The following PTPRD variants were observed in gnomAD, a reference collection of about 807,000 sequenced individuals.
The protein encoded by PTPRD is receptor-type tyrosine-protein phosphatase delta.
A neutral mutation model predicts 214.5 loss-of-function variants in PTPRD; 34 were observed. The ratio of observed to expected loss-of-function variants is 0.16; its 90% CI spans 0.12 to 0.21. The LOEUF (loss-of-function observed/expected upper bound fraction) is 0.21, where lower values mean the gene tolerates loss of function less well. PTPRD is among the 10% of genes least tolerant of loss of function. The pLI is 1.00. For missense variants in PTPRD, 2,545 were observed against 2,398.7 expected, an observed-to-expected ratio of 1.06 and a Z score of -1.27; for synonymous variants, 1,128 against 845.7, an observed-to-expected ratio of 1.33 and a Z score of -5.79.
At chr9:9,127,996 T>G (rs1007043233) in intron 10 of PTPRD, among the ~76,000 whole-genome samples, 2 of 152,164 alleles carry the variant, frequency 1.3e-5, no homozygotes, top group East Asian at 3.9e-4. Flanking sequence ...ACCTTCCAAA[T>G]TGGCTGCCAA....
At chr9:8,679,288 C>A (rs962716555) in intron 12 of PTPRD, among the ~76,000 whole-genome samples, 2 of 152,176 alleles carry the variant, frequency 1.3e-5, no homozygotes, top group Admixed American at 1.3e-4. Flanking sequence ...GATACGATTT[C>A]TGATCTGGAA....
At chr9:8,613,993 T>A (rs1324711872) in intron 14 of PTPRD, among the ~76,000 whole-genome samples, 1 of 151,998 alleles carries the variant, frequency 6.6e-6, no homozygotes, top group African/African-American at 2.4e-5. Flanking sequence ...GTCCTTCACA[T>A]TATGGTAAGT....
intron 9 of PTPRD, among the ~76,000 whole-genome samples, chr9:9,233,327 T>C (rs1340296621): frequency 1.3e-5 from 2 of 151,884 alleles, no homozygotes; most frequent in African/African-American, 4.8e-5. Context: ...AATATGGGGG[T>C]AACTGCCCCC....
intron 3 of PTPRD, among the ~76,000 whole-genome samples, chr9:10,210,715 T>C (rs1043417199): frequency 6.8e-6 from 1 of 147,386 alleles, no homozygotes; most frequent in Non-Finnish European, 1.5e-5. Flanking sequence ...CAAGAAGTTG[T>C]TTGATTTTAT....
At chr9:8,795,214 G>A (rs2096375252) in intron 11 of PTPRD, among the ~76,000 whole-genome samples, 1 of 152,028 alleles carries the variant, frequency 6.6e-6, no homozygotes, top group Admixed American at 6.5e-5. Flanking sequence ...ACCCAGGCTG[G>A]AGTGCAATGG....
chr9:10,059,461 A>G (rs2097717296), intron 3 of PTPRD, among the ~76,000 whole-genome samples: 2 of 152,106 alleles, frequency 1.3e-5, no homozygotes, highest in South Asian at 4.1e-4. Context: ...AGTAATATGC[A>G]AAGGGGTAAA....
chr9:10,538,295 T>A (rs553575341), intron 2 of PTPRD, among the ~76,000 whole-genome samples: 27 of 123,846 alleles, frequency 2.2e-4, no homozygotes, highest in Admixed American at 4.0e-4. Context: ...AATAAATAAA[T>A]AAAAAGGGAG....
intron 9 of PTPRD, among the ~76,000 whole-genome samples, chr9:9,248,357 G>C (rs1013689003): frequency 1.3e-5 from 2 of 152,050 alleles, no homozygotes; most frequent in Admixed American, 1.3e-4. Context: ...GACTCCCAAA[G>C]TGATGGGATT....
intron 3 of PTPRD, among the ~76,000 whole-genome samples, chr9:10,109,400 G>C (rs1264075434): frequency 6.6e-6 from 1 of 152,148 alleles, no homozygotes; most frequent in Non-Finnish European, 1.5e-5. Flanking sequence ...CAAGTTGTTT[G>C]CTGTAAGAAG....
chr9:8,724,254 T>A (rs965724656), intron 12 of PTPRD, among the ~76,000 whole-genome samples: 3 of 152,216 alleles, frequency 2.0e-5, no homozygotes, highest in Non-Finnish European at 4.4e-5. Flanking sequence ...GAATACACTT[T>A]AGGTCCCTTC....
At chr9:8,824,361 T>C (rs764255128) in intron 11 of PTPRD, among the ~76,000 whole-genome samples, 1 of 152,198 alleles carries the variant, frequency 6.6e-6, no homozygotes, top group Non-Finnish European at 1.5e-5. Context: ...GTAACTTTTT[T>C]AGGCCAAATA....
At chr9:8,437,169 T>C in intron 34 of PTPRD, 3 of 1,480,504 alleles carry the variant, frequency 2.0e-6, no homozygotes, top group Non-Finnish European at 2.7e-6. Context: ...AAACATAAAA[T>C]GACTTATGCA....
chr9:10,098,530 C>T (rs2098518080), intron 3 of PTPRD, among the ~76,000 whole-genome samples: 1 of 151,666 alleles, frequency 6.6e-6, no homozygotes, highest in South Asian at 2.1e-4. Context: ...ATAAAAAATG[C>T]TACTTCTTTC....
At chr9:10,483,447 A>T (rs754699001) in intron 2 of PTPRD, among the ~76,000 whole-genome samples, 2 of 152,106 alleles carry the variant, frequency 1.3e-5, no homozygotes, top group Admixed American at 6.5e-5. Context: ...AAACTAAAAA[A>T]GTTTCTGTAC....
Position 9,097,402 on chromosome 9 carries a change from C to CTTT in PTPRD, c.-142-78670_-142-78668dup, listed in dbSNP as rs200629393. ...CACAGGTTAGTAGCACACCATGGCT[C>CTTT]TTTTTTTTTTTTTCTTTTTCTTTTG... On this transcript the variant is annotated intron_variant, in intron 10 of 45. Transcript: ENST00000381196. Among the ~76,000 whole-genome samples the CTTT allele has an allele frequency of 9.2e-3, 1,319 of 143,472 alleles. 18 individuals are homozygous for CTTT. The highest frequency in any genetic ancestry group is 0.031 in the African/African-American group (1,219 of 39,170). The allele number at this position is 143,472 out of a possible 152,430, so 94.1% of individuals were successfully genotyped here.
intron 2 of PTPRD, among the ~76,000 whole-genome samples, chr9:10,350,991 AC>A (rs1317551038): frequency 6.6e-6 from 1 of 152,162 alleles, no homozygotes; most frequent in African/African-American, 2.4e-5. Flanking sequence ...TGGGTATAAT[AC>A]TGAAGAAAGG....
intron 5 of PTPRD, among the ~76,000 whole-genome samples, chr9:9,833,911 G>A (rs1186086315): frequency 6.6e-6 from 1 of 151,876 alleles, no homozygotes; most frequent in African/African-American, 2.4e-5. Flanking sequence ...ATTTCATATT[G>A]CTCAAACACA....
chr9:9,758,733 C>T (rs1340525187), intron 6 of PTPRD, among the ~76,000 whole-genome samples: 2 of 151,776 alleles, frequency 1.3e-5, no homozygotes, highest in African/African-American at 2.4e-5. Flanking sequence ...ATTCCCTCAT[C>T]GCCACCCACC....
chr9:9,459,834 G>C (rs188876101), intron 8 of PTPRD, among the ~76,000 whole-genome samples: 22 of 152,060 alleles, frequency 1.4e-4, no homozygotes, highest in Admixed American at 4.6e-4. Flanking sequence ...CACAGATTTA[G>C]CAAGAGCAAT....
Sources: gnomAD v4.1 joint callset for allele counts (sites outside exome capture counted in the v4.1 genomes callset) on GRCh38, gnomAD v4.1.1 for gene constraint, MANE v1.5 for transcripts, NCBI Gene and HGNC (gene_info 2026-07-23, HGNC 2026-07-21) for gene names.